LARP4: variants seen among roughly 807,000 people sequenced by gnomAD.
LARP4 encodes la-related protein 4.
Under a neutral mutation model 92.9 loss-of-function variants are expected in LARP4, and 29 were observed. The observed-to-expected ratio is 0.31, with a 90% confidence interval of 0.23 to 0.43. The LOEUF (loss-of-function observed/expected upper bound fraction) is 0.43, where lower values mean the gene tolerates loss of function less well. LARP4 is among the 20% of genes least tolerant of loss of function. The pLI is 1.00. For missense variants in LARP4, 732 were observed against 860.0 expected (o/e 0.85, Z 1.86); for synonymous variants, 279 against 284.1 (o/e 0.98, Z 0.18).
chr12:50,471,779 T>G (rs1956965059), intron 13 of LARP4, among the ~76,000 whole-genome samples: 1 of 152,192 alleles, frequency 6.6e-6, no homozygotes, highest in Non-Finnish European at 1.5e-5. Flanking sequence ...CACCTCGGCC[T>G]CCCAAAGTGC....
chr12:50,457,364 G>A (rs867268540), intron 10 of LARP4, among the ~76,000 whole-genome samples: 7 of 151,394 alleles, frequency 4.6e-5, no homozygotes, highest in Admixed American at 3.3e-4. Context: ...ATGCCACCAC[G>A]CCCAGCTAAT....
intron 8 of LARP4, among the ~76,000 whole-genome samples, chr12:50,443,536 A>G (rs1951560607): frequency 6.6e-6 from 1 of 151,716 alleles, no homozygotes; most frequent in African/African-American, 2.4e-5. Flanking sequence ...CAAAGTGCTG[A>G]GATTACAGAT....
chr12:50,452,568 C>T (rs766309993), intron 8 of LARP4, among the ~76,000 whole-genome samples: 1 of 152,174 alleles, frequency 6.6e-6, no homozygotes, highest in Non-Finnish European at 1.5e-5. Context: ...CAAAAGTTCC[C>T]TTTTCTCCAT....
intron 8 of LARP4, among the ~76,000 whole-genome samples, chr12:50,452,035 T>C (rs1418328692): frequency 6.6e-6 from 1 of 152,048 alleles, no homozygotes; most frequent in Non-Finnish European, 1.5e-5. Flanking sequence ...CTGAATGGTA[T>C]TCCAGTGTGT....
chr12:50,435,762 CTT>C (rs1565605913), intron 5 of LARP4, 138 bp downstream of exon 5: 2 of 622,400 alleles, frequency 3.2e-6, no homozygotes, highest in Non-Finnish European at 5.3e-6. Context: ...AATTCTCTCT[CTT>C]TGTTTTTTTT....
intron 10 of LARP4, among the ~76,000 whole-genome samples, chr12:50,455,129 T>A (rs891939317): frequency 6.6e-6 from 1 of 152,160 alleles, no homozygotes; most frequent in African/African-American, 2.4e-5. Context: ...ATAGAAACTA[T>A]ATGCTATCAT....
At chr12:50,421,936 A>G (rs551327794) in intron 1 of LARP4, among the ~76,000 whole-genome samples, 1 of 151,014 alleles carries the variant, frequency 6.6e-6, no homozygotes, top group Non-Finnish European at 1.5e-5. Context: ...TAATGGGATA[A>G]TCTATAAAAG....
At chr12:50,440,207 C>A (rs1389240776) in intron 6 of LARP4, among the ~76,000 whole-genome samples, 1 of 152,084 alleles carries the variant, frequency 6.6e-6, no homozygotes, top group African/African-American at 2.4e-5. Flanking sequence ...AGTGCTCAGG[C>A]GGAAGGATCG....
intron 1 of LARP4, among the ~76,000 whole-genome samples, chr12:50,410,342 C>T (rs1016640022): frequency 2.7e-5 from 4 of 149,534 alleles, no homozygotes; most frequent in Admixed American, 6.7e-5. Flanking sequence ...CAAAGTGCTG[C>T]GATTACAGGT....
chr12:50,474,419 G>T (rs1029130754), intron 15 of LARP4, among the ~76,000 whole-genome samples: 2 of 151,908 alleles, frequency 1.3e-5, no homozygotes, highest in African/African-American at 2.4e-5. Flanking sequence ...ACGATCTCGC[G>T]TCACTGCAAG....
At chr12:50,404,119 C>T (rs780009489) in intron 1 of LARP4, among the ~76,000 whole-genome samples, 2 of 151,920 alleles carry the variant, frequency 1.3e-5, no homozygotes, top group Non-Finnish European at 1.5e-5. Flanking sequence ...CCTAGCTACT[C>T]GGGAGGCTAA....
chr12:50,415,208 AAAAT>A (rs1318833970), intron 1 of LARP4, among the ~76,000 whole-genome samples: 20 of 152,190 alleles, frequency 1.3e-4, no homozygotes, highest in African/African-American at 4.8e-4. Context: ...CTGTCTCAAA[AAAAT>A]AAATGAATGA....
Position 50,478,776 on chromosome 12 carries a change from G to A in LARP4, c.*2912G>A, listed in dbSNP as rs576911346. On this transcript the variant is annotated 3_prime_UTR_variant, in exon 16 of 16. Transcript: ENST00000398473. ...AATTAAGGTTTTCATAATACCTAGG[G>A]CCTGTCTCTGAGTAATTTTAATTTT... 2.9e-4 allele frequency: 44 copies of A among 152,142 alleles called. No homozygotes were observed. Among genetic ancestry groups the A allele is most frequent in the African/African-American group, 9.2e-4 (38 of 41,508 alleles). 9.4% of individuals were successfully genotyped at this position (152,142 alleles called of 1,614,324 possible).
chr12:50,429,066 A>T lies in LARP4; in HGVS notation c.298A>T (p.Ser100Cys), dbSNP rs780745502. Residue 100 changes from serine (S) to cysteine (C), a missense_variant, in exon 3 of 16, where the codon AGT (serine) becomes TGT (cysteine). Transcript: ENST00000398473. ...GATGATTTTAGGACCAGAAGATCTG[A>T]GTTACCAAATATATGATGTTTCCGG... Reference protein sequence around the residue: ...DGMILGPEDLSYQIYDVSGES... With the variant: ...DGMILGPEDLCYQIYDVSGES... The T allele has an allele frequency of 6.2e-7, 1 of 1,612,456 alleles. No individual in the cohort carries two copies. Among genetic ancestry groups the T allele is most frequent in the Non-Finnish European group, 8.5e-7 (1 of 1,179,410 alleles).
rs1343759893 is a variant in LARP4, at chr12:50,476,718, T to TG, written c.*854_*855insG. 1 of 152,566 alleles carries TG rather than the reference T, an allele frequency of 6.6e-6. No homozygotes were observed. The highest frequency in any genetic ancestry group is 1.5e-5 in the Non-Finnish European group (1 of 68,018). The allele number at this position is 152,566 out of a possible 1,614,324, so 9.5% of individuals were successfully genotyped here. A position where few individuals can be genotyped will look rare whatever the true frequency, so the allele number is the denominator to read the frequency against. ...ATACCCCCAAAATGAGAAACAAAATTTTTTTTCTTACTCCATTTGTTACTC... is the reference window on the plus strand; with the variant it reads ...ATACCCCCAAAATGAGAAACAAAATTGTTTTTTCTTACTCCATTTGTTACTC... On this transcript the variant is annotated 3_prime_UTR_variant, in exon 16 of 16. Transcript: ENST00000398473.
chr12:50,448,621 T>C (rs1251741822), intron 8 of LARP4, among the ~76,000 whole-genome samples: 3 of 151,914 alleles, frequency 2.0e-5, no homozygotes. Flanking sequence ...CCCCACTGGG[T>C]TCAAGCAATT....
Position 50,412,084 on chromosome 12 carries a change from A to C in LARP4, c.18+11056A>C, listed in dbSNP as rs12321237. Reference sequence around the variant, plus strand: ...TAAAGTAACTTTTTCCTTGTCTGTAAAATGTGGATGATAATAGGACTTAAC... The same window carrying C: ...TAAAGTAACTTTTTCCTTGTCTGTACAATGTGGATGATAATAGGACTTAAC... On this transcript the variant is annotated intron_variant, in intron 1 of 15. Transcript: ENST00000398473. 2.1e-3 allele frequency among the ~76,000 whole-genome samples: 314 copies of C among 152,294 alleles called. 1 individual carries two copies. The highest frequency in any genetic ancestry group is 6.6e-3 in the African/African-American group (275 of 41,566).
At chr12:50,460,149 AAAG>A (rs1459710946) in intron 10 of LARP4, among the ~76,000 whole-genome samples, 9 of 152,006 alleles carry the variant, frequency 5.9e-5, no homozygotes, top group Non-Finnish European at 7.4e-5. Context: ...AAAAAAAAAA[AAAG>A]AAGAAGAAGA....
rs1446068146 is a variant in LARP4, at chr12:50,479,987, T to A, written c.*4123T>A. 6.6e-6 allele frequency: 1 copy of A among 152,190 alleles called. No individual in the cohort carries two copies. Among genetic ancestry groups the A allele is most frequent in the Non-Finnish European group, 1.5e-5 (1 of 68,016 alleles). The allele number at this position is 152,190 out of a possible 1,614,324, so 9.4% of individuals were successfully genotyped here. Reference sequence around the variant, plus strand: ...GAAATTAACAAAATTAGAAAAAAAATAAAATTATTAAAAAGCAGGACTGGT... The same window carrying A: ...GAAATTAACAAAATTAGAAAAAAAAAAAAATTATTAAAAAGCAGGACTGGT... On this transcript the variant is annotated 3_prime_UTR_variant, in exon 16 of 16. Coordinates refer to ENST00000398473, the MANE Select transcript of LARP4 (RefSeq NM_052879.5).
Sources: gnomAD v4.1 joint callset for allele counts (sites outside exome capture counted in the v4.1 genomes callset) on GRCh38, gnomAD v4.1.1 for gene constraint, MANE v1.5 for transcripts, NCBI Gene and HGNC (gene_info 2026-07-23, HGNC 2026-07-21) for gene names.